DKKL1: variants seen among roughly 807,000 people sequenced by gnomAD.
DKKL1 encodes dickkopf-like protein 1.
DKKL1 carries 11 observed loss-of-function variants against 16.5 expected under a neutral mutation model. The observed-to-expected ratio is 0.67, with a 90% CI of 0.42 to 1.10. DKKL1 has a LOEUF of 1.10. DKKL1 is among the 50% of genes least tolerant of loss of function. DKKL1 has a pLI of 0.00. For missense variants in DKKL1, 320 were observed against 308.1 expected, an observed-to-expected ratio of 1.04 and a Z score of -0.29; for synonymous variants, 119 against 133.2, an observed-to-expected ratio of 0.89 and a Z score of 0.73.
intron 4 of DKKL1, among the ~76,000 whole-genome samples, chr19:49,367,083 A>G (rs1347277949): frequency 6.8e-6 from 1 of 148,088 alleles, no homozygotes; most frequent in Non-Finnish European, 1.5e-5. Context: ...CTAGAGTGCA[A>G]TGGCACAATC....
rs1354383941 is a variant in DKKL1 at position 49,364,752 on chromosome 19, A to G, written c.181A>G (p.Lys61Glu). ...CCAAGGCTTCAGCCGACTTTTCCTGAAAGTAAGCGATGGCGGGGGGATGGG... is the reference window on the plus strand; with the variant it reads ...CCAAGGCTTCAGCCGACTTTTCCTGGAAGTAAGCGATGGCGGGGGGATGGG... The part of the protein sequence containing the change: ...LLQGFSRLFL[K>E]GNLLRGIDSL... Residue 61 changes from lysine to glutamate, a missense_variant and splice_region_variant, in exon 2 of 5, where the codon AAA becomes GAA. Transcript: ENST00000221498. 5.0e-6 allele frequency: 8 copies of G among 1,612,152 alleles called. No individual in the cohort carries two copies. Among genetic ancestry groups the G allele is most frequent in the Non-Finnish European group, 5.9e-6 (7 of 1,179,152 alleles).
rs1973665545 is a variant in DKKL1 at position 49,374,891 on chromosome 19, C to A, written c.592C>A (p.Gln198Lys). Residue 198 changes from glutamine to lysine, a missense_variant, in exon 5 of 5, where the codon CAG becomes AAG. By Grantham distance (53) the Gln-to-Lys change is moderately conservative (BLOSUM62 1). Coordinates refer to ENST00000221498, the MANE Select transcript of DKKL1 (RefSeq NM_014419.4). ...GCTCAGCGAGAAGCGACACCGCCTGCAGGCCATCCGGGATGGACTCCGCAA... is the reference window on the plus strand; with the variant it reads ...GCTCAGCGAGAAGCGACACCGCCTGAAGGCCATCCGGGATGGACTCCGCAA... ...HWLSEKRHRLQAIRDGLRKGT... is the reference protein window; with the variant it reads ...HWLSEKRHRLKAIRDGLRKGT... 1 of 1,614,076 alleles carries A rather than the reference C, an allele frequency of 6.2e-7. No individual in the cohort carries two copies. The highest frequency in any genetic ancestry group is 1.3e-5 in the African/African-American group (1 of 75,044).
chr19:49,365,908 A>C (rs1286561845), intron 4 of DKKL1, 23 bp downstream of exon 4: 1 of 1,607,520 alleles, frequency 6.2e-7, no homozygotes, highest in Non-Finnish European at 8.5e-7. Context: ...CCCGCCGTCA[A>C]AGTGTCCAGG....
chr19:49,372,221 C>T (rs1475426623), intron 4 of DKKL1, among the ~76,000 whole-genome samples: 1 of 152,162 alleles, frequency 6.6e-6, no homozygotes, highest in Non-Finnish European at 1.5e-5. Flanking sequence ...CTGCCCTGTG[C>T]ACTGTAGGAT....
At chr19:49,368,481 G>C (rs1973346621) in intron 4 of DKKL1, among the ~76,000 whole-genome samples, 1 of 143,596 alleles carries the variant, frequency 7.0e-6, no homozygotes, top group African/African-American at 3.0e-5. Context: ...GTGAGACTCT[G>C]TCTCAAAAAA....
At chr19:49,367,988 C>A (rs1236310326) in intron 4 of DKKL1, among the ~76,000 whole-genome samples, 2 of 152,010 alleles carry the variant, frequency 1.3e-5, no homozygotes, top group African/African-American at 4.8e-5. Context: ...TCACCCTGGG[C>A]AATAGAGGGA....
chr19:49,374,645 A>G, intron 4 of DKKL1, 72 bp from the exon 5 acceptor site: 1 of 1,387,326 alleles, frequency 7.2e-7, no homozygotes, highest in Non-Finnish European at 9.6e-7. Flanking sequence ...TGGGCTGAAT[A>G]GGTCAGTGGG....
upstream of DKKL1, chr19:49,362,940 T>G (rs1052623930): frequency 1.3e-5 from 2 of 149,668 alleles, no homozygotes; most frequent in African/African-American, 2.5e-5. Flanking sequence ...TTTTTGTTTT[T>G]TTTTTTTTTT....
At position 49,365,653 on chromosome 19, in the gene DKKL1, C is replaced by A. The variant is rs766416135; in HGVS notation, c.324+4C>A. 6.8e-6 allele frequency: 11 copies of A among 1,609,822 alleles called. No individual in the cohort carries two copies. In the South Asian group the frequency reaches 1.1e-4, roughly 16 times the overall value. On this transcript the variant is annotated splice_donor_region_variant and intron_variant, in intron 3 of 4. Coordinates refer to ENST00000221498, the MANE Select transcript of DKKL1 (RefSeq NM_014419.4). Reference sequence around the variant, plus strand: ...CAGCCACCTCCAGATCGACAAGGTGCCTATGCAGGGAAGCCCTTCCTGAAG... The same window carrying A: ...CAGCCACCTCCAGATCGACAAGGTGACTATGCAGGGAAGCCCTTCCTGAAG...
chr19:49,365,433 C>T, intron 2 of DKKL1, 76 bp from the exon 3 acceptor site: 1 of 1,479,202 alleles, frequency 6.8e-7, no homozygotes, highest in Non-Finnish European at 9.0e-7. Flanking sequence ...CGGGAGCATC[C>T]TAGCAGGGCT....
intron 4 of DKKL1, chr19:49,370,243 A>G (rs1973424937): frequency 6.6e-6 from 1 of 152,260 alleles, no homozygotes; most frequent in Non-Finnish European, 1.5e-5. Context: ...GAAATTTCAG[A>G]TTAGGACACC....
rs539301329 is a variant in DKKL1 at position 49,374,976 on chromosome 19, C to A, written c.677C>A (p.Ser226Tyr). Reference sequence around the variant, plus strand: ...GAGAGCTCCTCCCACTCCAGGCTGTCCCCCCGAAAGACCCACTTACTGTAC... The same window carrying A: ...GAGAGCTCCTCCCACTCCAGGCTGTACCCCCGAAAGACCCACTTACTGTAC... ...GTESSSHSRLSPRKTHLLYIL... is the reference protein window; with the variant it reads ...GTESSSHSRLYPRKTHLLYIL... The change falls in exon 5 of 5, where the codon TCC becomes TAC. Residue 226 changes from serine (S) to tyrosine (Y), a missense_variant. Physicochemically the swap from Ser to Tyr is moderately radical, Grantham distance 144. Coordinates refer to ENST00000221498, the MANE Select transcript of DKKL1 (RefSeq NM_014419.4). 1 of 1,613,156 alleles carries A rather than the reference C, an allele frequency of 6.2e-7. No individual in the cohort carries two copies.
At chr19:49,362,768 G>C (rs1013617266), upstream of DKKL1, among the ~76,000 whole-genome samples, 1 of 151,890 alleles carries the variant, frequency 6.6e-6, no homozygotes, top group Non-Finnish European at 1.5e-5. Context: ...TGGGCTCCTA[G>C]GTCTGAGAGG....
At position 49,374,950 on chromosome 19, in the gene DKKL1, C is replaced by T. The variant is rs377449896; in HGVS notation, c.651C>T (p.Thr217=). ...ACAAGGACGTCCTAGAAGAGGGGACCGAGAGCTCCTCCCACTCCAGGCTGT... is the reference window on the plus strand; with the variant it reads ...ACAAGGACGTCCTAGAAGAGGGGACTGAGAGCTCCTCCCACTCCAGGCTGT... ...GTHKDVLEEG[T]ESSSHSRLSP... Residue 217 remains threonine, a synonymous_variant, in exon 5 of 5, where the codon ACC becomes ACT. Coordinates refer to ENST00000221498, the MANE Select transcript of DKKL1 (RefSeq NM_014419.4). The T allele has an allele frequency of 5.6e-6, 9 of 1,613,694 alleles. No homozygotes were observed. Among genetic ancestry groups the T allele is most frequent in the Middle Eastern group, 1.6e-4 (1 of 6,062 alleles).
rs1242520131 is a variant in DKKL1, at chr19:49,365,618, A to C, written c.293A>C (p.Asn98Thr). The change falls in exon 3 of 5, where the codon AAC becomes ACC. Residue 98 changes from asparagine to threonine, a missense_variant. Transcript: ENST00000221498. ...AACCAGGAGCACCAGCTGGGGAACA[A>C]CACCCTCTCCAGCCACCTCCAGATC... ...EENQEHQLGN[N>T]TLSSHLQIDK... 4 of 1,613,318 alleles carry C rather than the reference A, an allele frequency of 2.5e-6. No homozygotes were observed. Among genetic ancestry groups the C allele is most frequent in the South Asian group, 1.1e-5 (1 of 90,876 alleles).
Position 49,365,790 on chromosome 19 carries a change from C to T in DKKL1, c.325-3C>T, listed in dbSNP as rs115105028. ...CTCTCACTCTCTCATCGGATCCTCA[C>T]AGATGACCGACAACAAGACAGGAGA... is the stretch of plus-strand genomic sequence containing the variant. On this transcript the variant is annotated splice_region_variant and splice_polypyrimidine_tract_variant and intron_variant, in intron 3 of 4. Coordinates refer to ENST00000221498, the MANE Select transcript of DKKL1 (RefSeq NM_014419.4). 2.1e-3 allele frequency: 3,364 copies of T among 1,613,688 alleles called. 47 individuals carry two copies. The African/African-American group carries it at 0.035, about 17-fold the overall frequency.
chr19:49,364,526 G>A lies in DKKL1; in HGVS notation c.11-56G>A, dbSNP rs1183684237. Reference sequence around the variant, plus strand: ...CCTGGGCAAGGTGCTGGAGAGGGGCGTCTTGGGTGGGGGCGTGGCCACTGT... The same window carrying A: ...CCTGGGCAAGGTGCTGGAGAGGGGCATCTTGGGTGGGGGCGTGGCCACTGT... On this transcript the variant is annotated intron_variant, in intron 1 of 4. Coordinates refer to ENST00000221498, the MANE Select transcript of DKKL1 (RefSeq NM_014419.4). The A allele has an allele frequency of 8.6e-6, 13 of 1,508,412 alleles. No individual in the cohort carries two copies. In the South Asian group the frequency reaches 1.3e-4, roughly 15 times the overall value. The allele number at this position is 1,508,412 out of a possible 1,614,324, so 93.4% of individuals were successfully genotyped here. A position where few individuals can be genotyped will look rare whatever the true frequency, so the allele number is the denominator to read the frequency against.
Position 49,374,792 on chromosome 19 carries a change from C to T in DKKL1, c.493C>T (p.Pro165Ser), listed in dbSNP as rs1171609028. 2.5e-6 allele frequency: 4 copies of T among 1,611,356 alleles called. No homozygotes were observed. The highest frequency in any genetic ancestry group is 3.4e-6 in the Non-Finnish European group (4 of 1,178,486). The change falls in exon 5 of 5, where the codon CCC becomes TCC. Residue 165 changes from proline to serine, a missense_variant. Transcript: ENST00000221498. The stretch of plus-strand genomic sequence containing the variant: ...GGACAGCTTCCACACAGAACTCCAT[C>T]CCCGGGTGGCCTTCTGGATCATTAA... ...ATDSFHTELHPRVAFWIIKLP... is the reference protein window; with the variant it reads ...ATDSFHTELHSRVAFWIIKLP...
rs1322775386 is a variant in DKKL1, at chr19:49,364,687, A to G, written c.116A>G (p.Gln39Arg). 6.2e-7 allele frequency: 1 copy of G among 1,614,186 alleles called. No homozygotes were observed. Among genetic ancestry groups the G allele is most frequent in the South Asian group, 1.1e-5 (1 of 91,084 alleles). ...AAAPIHDADA[Q>R]ESSLGLTGLQ... ...GCTCCTATCCATGATGCTGACGCCC[A>G]AGAGAGCTCCTTGGGTCTCACAGGC... is the stretch of plus-strand genomic sequence containing the variant. Residue 39 changes from glutamine (Q) to arginine (R), a missense_variant, in exon 2 of 5, where the codon CAA becomes CGA. Gln to Arg is a conservative substitution (Grantham distance 43, BLOSUM62 1). Transcript: ENST00000221498.
Sources: gnomAD v4.1 joint callset for allele counts (sites outside exome capture counted in the v4.1 genomes callset) on GRCh38, gnomAD v4.1.1 for gene constraint, MANE v1.5 for transcripts, NCBI Gene and HGNC (gene_info 2026-07-23, HGNC 2026-07-21) for gene names.